CD44: variants seen among roughly 807,000 people sequenced by gnomAD.
CD44 encodes the protein CD44 molecule (IN blood group).
A neutral mutation model predicts 88.8 loss-of-function variants in CD44; 49 were observed. The ratio of observed to expected loss-of-function variants is 0.55; its 90% CI spans 0.44 to 0.70. The LOEUF is 0.70. Among genes scored for constraint, CD44 ranks in the 30% least tolerant of loss-of-function variants. The pLI is 0.00. For missense variants in CD44, 883 were observed against 913.8 expected (o/e 0.97, Z 0.43); for synonymous variants, 325 against 312.3 (o/e 1.04, Z -0.43).
intron 1 of CD44, among the ~76,000 whole-genome samples, chr11:35,147,371 A>G (rs7126359): frequency 0.18 from 27,056 of 152,154 alleles, 2,970 homozygotes; most frequent in African/African-American, 0.31. Flanking sequence ...AGCTGGAAGT[A>G]TACTATAGCC....
At chr11:35,186,926 A>C (rs1339288910) in intron 4 of CD44, 26 bp downstream of exon 4, 2 of 1,423,116 alleles carry the variant, frequency 1.4e-6, no homozygotes, top group Admixed American at 3.3e-5. Flanking sequence ...AATCTTAATT[A>C]AATTTTCCTA....
At chr11:35,173,748 G>A (rs1315280491) in intron 1 of CD44, among the ~76,000 whole-genome samples, 1 of 152,172 alleles carries the variant, frequency 6.6e-6, no homozygotes, top group Non-Finnish European at 1.5e-5. Context: ...CCTGCTTCCT[G>A]CTCAGGAAAG....
chr11:35,167,581 A>C (rs1943435491), intron 1 of CD44, among the ~76,000 whole-genome samples: 1 of 152,156 alleles, frequency 6.6e-6, no homozygotes, highest in African/African-American at 2.4e-5. Flanking sequence ...TTTAATGATA[A>C]ACACTGTAAA....
intron 1 of CD44, among the ~76,000 whole-genome samples, chr11:35,141,072 G>C (rs1415647245): frequency 6.6e-6 from 1 of 151,700 alleles, no homozygotes; most frequent in Non-Finnish European, 1.5e-5. Flanking sequence ...TATTTTCACT[G>C]TGCCAGGCAT....
chr11:35,214,894 C>T lies in CD44; in HGVS notation c.1853C>T (p.Thr618Ile), dbSNP rs776055701. The T allele has an allele frequency of 2.6e-5, 41 of 1,560,768 alleles. No individual in the cohort carries two copies. Among genetic ancestry groups the T allele is most frequent in the Non-Finnish European group, 3.2e-5 (37 of 1,154,056 alleles). Residue 618 changes from threonine to isoleucine, a missense_variant, in exon 15 of 18, where the codon ACT becomes ATT. By Grantham distance (89) the Thr-to-Ile change is moderately conservative. Transcript: ENST00000428726. ...CACCCCAGTGGGGGGTCCCATACCA[C>T]TCATGGATCTGAATCAGATGGTGAG... is the stretch of plus-strand genomic sequence containing the variant. ...TFHPSGGSHTTHGSESDGHSH... is the reference protein window; with the variant it reads ...TFHPSGGSHTIHGSESDGHSH...
At chr11:35,167,270 G>T (rs529531928) in intron 1 of CD44, among the ~76,000 whole-genome samples, 18 of 146,546 alleles carry the variant, frequency 1.2e-4, no homozygotes, top group Admixed American at 4.7e-4. Context: ...GTGTGTGTGT[G>T]TTTTTGTTTT....
intron 1 of CD44, among the ~76,000 whole-genome samples, chr11:35,140,488 C>T (rs73453629): frequency 0.068 from 10,374 of 152,246 alleles, 548 homozygotes; most frequent in Admixed American, 0.18. Flanking sequence ...TTGAAACACA[C>T]AGTCTCACCC....
Position 35,160,012 on chromosome 11 carries a change from G to T in CD44, c.68-16563G>T, listed in dbSNP as rs376573381. The stretch of plus-strand genomic sequence containing the variant: ...GGAGGCATCTTCAGGAAAGGAGGTG[G>T]TGGAAACTTTCCTCTCCTCACTCTC... On this transcript the variant is annotated intron_variant, in intron 1 of 17. Coordinates refer to ENST00000428726, the MANE Select transcript of CD44 (RefSeq NM_000610.4). 1.6e-4 allele frequency among the ~76,000 whole-genome samples: 24 copies of T among 152,270 alleles called. No individual in the cohort carries two copies. In the South Asian group the frequency reaches 5.0e-3, roughly 32 times the overall value.
intron 15 of CD44, among the ~76,000 whole-genome samples, chr11:35,217,356 G>GA (rs59976536): frequency 0.014 from 1,758 of 122,370 alleles, 42 homozygotes; most frequent in African/African-American, 0.049. Context: ...AGTCAGAAAA[G>GA]AAAAAAAAAA....
At chr11:35,221,376 A>G (rs1949290701) in intron 16 of CD44, among the ~76,000 whole-genome samples, 1 of 152,248 alleles carries the variant, frequency 6.6e-6, no homozygotes, top group African/African-American at 2.4e-5. Context: ...ACAAGATTCA[A>G]CAAGTCATCC....
At chr11:35,173,481 A>G (rs1944129486) in intron 1 of CD44, among the ~76,000 whole-genome samples, 1 of 152,354 alleles carries the variant, frequency 6.6e-6, no homozygotes, top group African/African-American at 2.4e-5. Flanking sequence ...GTGGCTTAAG[A>G]GAACACCATT....
rs1463002683 is a variant in CD44 at position 35,231,764 on chromosome 11, G to C, written c.*2431G>C. The C allele has an allele frequency of 6.6e-6, 1 of 152,182 alleles. No homozygotes were observed. Among genetic ancestry groups the C allele is most frequent in the African/African-American group, 2.4e-5 (1 of 41,470 alleles). 9.4% of individuals were successfully genotyped at this position (152,182 alleles called of 1,614,324 possible). ...ATGATTTTCAGGTGACCTGGGCTAA[G>C]TCATTTAAACTGGGTCTTTATAAAA... On this transcript the variant is annotated 3_prime_UTR_variant, in exon 18 of 18. Coordinates refer to ENST00000428726, the MANE Select transcript of CD44 (RefSeq NM_000610.4).
At chr11:35,169,714 G>A (rs1943669483) in intron 1 of CD44, among the ~76,000 whole-genome samples, 1 of 152,198 alleles carries the variant, frequency 6.6e-6, no homozygotes, top group Non-Finnish European at 1.5e-5. Flanking sequence ...TACAATCTAG[G>A]CAAAGCTTTG....
intron 12 of CD44, among the ~76,000 whole-genome samples, chr11:35,208,880 C>T (rs1464826401): frequency 1.3e-5 from 2 of 152,160 alleles, no homozygotes; most frequent in African/African-American, 4.8e-5. Flanking sequence ...AAGAAGGTCC[C>T]ATTTTACTGC....
intron 12 of CD44, among the ~76,000 whole-genome samples, chr11:35,208,863 T>G (rs1185648576): frequency 1.3e-5 from 2 of 152,182 alleles, no homozygotes; most frequent in Non-Finnish European, 1.5e-5. Flanking sequence ...AAAAGAAATC[T>G]AGAATTAAGA....
intron 5 of CD44, among the ~76,000 whole-genome samples, chr11:35,193,443 A>G (rs1443370160): frequency 6.6e-6 from 1 of 152,224 alleles, no homozygotes; most frequent in African/African-American, 2.4e-5. Flanking sequence ...CCTAGGGTTC[A>G]TGGACCTTCA....
intron 3 of CD44, among the ~76,000 whole-genome samples, chr11:35,185,956 G>C (rs1945632668): frequency 6.6e-6 from 1 of 152,114 alleles, no homozygotes; most frequent in Non-Finnish European, 1.5e-5. Context: ...AGGGCTACCA[G>C]TAACATCTGT....
chr11:35,206,363 G>GGT, intron 11 of CD44, 120 bp downstream of exon 11: 1 of 994,968 alleles, frequency 1.0e-6, no homozygotes, highest in Non-Finnish European at 1.4e-6. Context: ...AAGGACCTGA[G>GGT]GTTCTTCAAA....
chr11:35,223,028 A>G (rs1392106627), intron 17 of CD44: 1 of 985,414 alleles, frequency 1.0e-6, no homozygotes, highest in Non-Finnish European at 1.2e-6. Flanking sequence ...ATGCTGTTAC[A>G]ATAATTACGC....
Sources: allele counts gnomAD v4.1 joint callset (sites outside exome capture counted in the v4.1 genomes callset), GRCh38; gene constraint gnomAD v4.1.1; transcripts MANE v1.5; gene names NCBI Gene and HGNC (gene_info 2026-07-23, HGNC 2026-07-21).